Variants in PLEKHM3 observed in about 807,000 individuals in gnomAD.
PLEKHM3 encodes pleckstrin homology domain-containing family M member 3.
PLEKHM3 carries 45 observed loss-of-function variants against 81.8 expected under a neutral mutation model. That is an observed-to-expected ratio of 0.55 (90% CI 0.43 to 0.71). The LOEUF is 0.71. PLEKHM3 is among the 30% of genes least tolerant of loss of function. The pLI, the probability that PLEKHM3 is intolerant of heterozygous loss-of-function variation, is 0.00. For synonymous variants in PLEKHM3, 352 were observed against 356.4 expected (o/e 0.99, Z 0.14); for missense variants, 788 against 924.3 (o/e 0.85, Z 1.91).
At chr2:207,866,636 A>G (rs2092502637) in intron 6 of PLEKHM3, among the ~76,000 whole-genome samples, 1 of 152,150 alleles carries the variant, frequency 6.6e-6, no homozygotes, top group Non-Finnish European at 1.5e-5. Context: ...ATTTCTTAAC[A>G]TGTACCTCCT....
chr2:207,916,796 T>C (rs974922152), intron 5 of PLEKHM3, among the ~76,000 whole-genome samples: 1 of 152,136 alleles, frequency 6.6e-6, no homozygotes, highest in African/African-American at 2.4e-5. Context: ...ATATATTTCA[T>C]TTCATCTCAG....
intron 6 of PLEKHM3, among the ~76,000 whole-genome samples, chr2:207,870,645 T>C (rs943560425): frequency 7.2e-5 from 11 of 152,166 alleles, no homozygotes; most frequent in Non-Finnish European, 1.5e-5. Context: ...ATTTAATAGG[T>C]GGGTAGAGTG....
At chr2:207,929,012 A>G (rs1175330537) in intron 5 of PLEKHM3, among the ~76,000 whole-genome samples, 1 of 152,228 alleles carries the variant, frequency 6.6e-6, no homozygotes, top group South Asian at 2.1e-4. Context: ...GCTACTAGCT[A>G]TTACTCAGTG....
In PLEKHM3 at chr2:207,976,615, C is replaced by G. The variant is rs752327160; in HGVS notation, c.1546+36G>C. On this transcript the variant is annotated intron_variant, in intron 3 of 7. Coordinates refer to ENST00000427836, the MANE Select transcript of PLEKHM3 (RefSeq NM_001080475.3). This position sits in a 1 kb window ranked among gnomAD's most constrained non-coding sequence, Gnocchi z 4.1. The stretch of plus-strand genomic sequence containing the variant: ...TCCAATTGTGGGGTTCAGGATTGTT[C>G]TTTAATGAGCTATAGGCTGAAAATC... 1 of 1,572,566 alleles carries G rather than the reference C, an allele frequency of 6.4e-7. No individual in the cohort carries two copies. The highest frequency in any genetic ancestry group is 1.4e-5 in the African/African-American group (1 of 73,722).
At chr2:207,908,677 C>T in intron 5 of PLEKHM3, 100 bp from the exon 6 acceptor site, 1 of 1,039,126 alleles carries the variant, frequency 9.6e-7, no homozygotes, top group South Asian at 1.5e-5. Context: ...TTCCTCTGCC[C>T]TGTCCACTTT....
At chr2:207,908,485 A>C (rs1167097572) in intron 6 of PLEKHM3, 29 bp downstream of exon 6, 1 of 1,595,244 alleles carries the variant, frequency 6.3e-7, no homozygotes, top group Non-Finnish European at 8.6e-7. Flanking sequence ...GAAAGCAACA[A>C]AAATGAAACA....
chr2:207,910,759 G>C (rs1688785759), intron 5 of PLEKHM3, among the ~76,000 whole-genome samples: 1 of 152,158 alleles, frequency 6.6e-6, no homozygotes, highest in Non-Finnish European at 1.5e-5. Flanking sequence ...ACGCCACACT[G>C]ATGTGCCTCT....
Position 207,977,312 on chromosome 2 carries a change from C to T in PLEKHM3, c.885G>A (p.Glu295=). The T allele has an allele frequency of 1.2e-6, 2 of 1,614,188 alleles. No homozygotes were observed. The highest frequency in any genetic ancestry group is 1.1e-5 in the South Asian group (1 of 91,084). The change falls in exon 3 of 8, where the codon GAG becomes GAA. Residue 295 remains glutamate, a synonymous_variant. Coordinates refer to ENST00000427836, the MANE Select transcript of PLEKHM3 (RefSeq NM_001080475.3). ...QLQLKAESPW[E]ALDWGQKLWE... is the part of the protein sequence containing the mutation. The stretch of plus-strand genomic sequence containing the variant: ...AAAGCTTCTGTCCCCAGTCCAAAGC[C>T]TCCCATGGTGACTCTGCCTTTAGCT...
chr2:207,902,684 C>T (rs1237678891), intron 6 of PLEKHM3, among the ~76,000 whole-genome samples: 1 of 152,136 alleles, frequency 6.6e-6, no homozygotes, highest in Non-Finnish European at 1.5e-5. Context: ...TATTTCATCG[C>T]CAGCTTTTCT....
At chr2:207,981,646 C>T (rs1010104243) in intron 2 of PLEKHM3, among the ~76,000 whole-genome samples, 5 of 152,126 alleles carry the variant, frequency 3.3e-5, no homozygotes, top group African/African-American at 1.2e-4. Context: ...TGCACCCAGA[C>T]TGAAGTTTAT....
At chr2:207,932,031 G>T (rs1001878452) in intron 4 of PLEKHM3, among the ~76,000 whole-genome samples, 3 of 152,148 alleles carry the variant, frequency 2.0e-5, no homozygotes, top group African/African-American at 7.2e-5. Context: ...ATTCAAAAAG[G>T]ATAAAAGGAT....
chr2:207,841,480 A>AAT (rs769138417), intron 7 of PLEKHM3, among the ~76,000 whole-genome samples: 1,227 of 36,896 alleles, frequency 0.033, 26 homozygotes, highest in East Asian at 0.064. Context: ...AAAAAAAAAA[A>AAT]ATATATATAT....
At chr2:207,954,200 T>A (rs1690430496) in intron 3 of PLEKHM3, among the ~76,000 whole-genome samples, 1 of 151,994 alleles carries the variant, frequency 6.6e-6, no homozygotes, top group South Asian at 2.1e-4. Context: ...CAAAAATTTC[T>A]AAAAAATTAG....
At chr2:207,915,270 T>C (rs1688949982) in intron 5 of PLEKHM3, among the ~76,000 whole-genome samples, 1 of 152,246 alleles carries the variant, frequency 6.6e-6, no homozygotes, top group African/African-American at 2.4e-5. Context: ...CCTTATATTA[T>C]GTAGCTGGTA....
At chr2:207,908,241 T>C (rs187009330) in intron 6 of PLEKHM3, among the ~76,000 whole-genome samples, 23 of 152,332 alleles carry the variant, frequency 1.5e-4, no homozygotes, top group African/African-American at 5.1e-4. Context: ...GGTAACTCTA[T>C]GTTTAACTTT....
chr2:207,901,415 A>G lies in PLEKHM3; in HGVS notation c.1950+7099T>C, dbSNP rs369065092. On this transcript the variant is annotated intron_variant, in intron 6 of 7. Coordinates refer to ENST00000427836, the MANE Select transcript of PLEKHM3 (RefSeq NM_001080475.3). ...ACTGGCCCCATCACCAAAACACCAG[A>G]AAACTAGTAGTTATGCTCAGCAGGT... The G allele has an allele frequency of 2.9e-5, 20 of 695,978 alleles. No homozygotes were observed. The East Asian group carries it at 4.0e-4, about 14-fold the overall frequency. The allele number at this position is 695,978 out of a possible 1,614,324, so 43.1% of individuals were successfully genotyped here.
At chr2:207,836,187 T>C (rs10204333) in intron 7 of PLEKHM3, among the ~76,000 whole-genome samples, 100,755 of 151,814 alleles carry the variant, frequency 0.66, 33,944 homozygotes, top group African/African-American at 0.76. Context: ...AATAAATGCA[T>C]CATATGCATG....
chr2:207,856,723 G>C (rs1427312834), intron 7 of PLEKHM3, among the ~76,000 whole-genome samples: 2 of 152,086 alleles, frequency 1.3e-5, no homozygotes, highest in Non-Finnish European at 2.9e-5. Flanking sequence ...AGGACATCTT[G>C]GCTGCTTCCA....
rs35352546 is a variant in PLEKHM3, at chr2:207,993,501, CTT to C, written c.610+7527_610+7528del. 8.2e-3 allele frequency among the ~76,000 whole-genome samples: 1,188 copies of C among 144,208 alleles called. 10 individuals carry two copies. Among genetic ancestry groups the C allele is most frequent in the African/African-American group, 0.021 (812 of 39,018 alleles). The allele number at this position is 144,208 out of a possible 152,430, so 94.6% of individuals were successfully genotyped here. A position where few individuals can be genotyped will look rare whatever the true frequency, so the allele number is the denominator to read the frequency against. ...ATTTTAGTATAAGTCCCAAATTTGG[CTT>C]TTTTTTTTTTTTTAAAGTGAAAGAT... On this transcript the variant is annotated intron_variant, in intron 2 of 7. Coordinates refer to ENST00000427836, the MANE Select transcript of PLEKHM3 (RefSeq NM_001080475.3).
Sources: gnomAD v4.1 joint callset for allele counts (sites outside exome capture counted in the v4.1 genomes callset) on GRCh38, gnomAD v4.1.1 for gene constraint, Gnocchi (gnomAD v3.1) non-coding constraint, MANE v1.5 for transcripts, NCBI Gene and HGNC (gene_info 2026-07-23, HGNC 2026-07-21) for gene names.